The following NEBL variants were observed in gnomAD, a reference collection of about 807,000 sequenced individuals.
NEBL encodes the protein LIM and SH3 protein 2.
NEBL carries 122 observed loss-of-function variants against 140.2 expected under a neutral mutation model. The ratio of observed to expected loss-of-function variants is 0.87; its 90% CI spans 0.75 to 1.01. The LOEUF (loss-of-function observed/expected upper bound fraction) is 1.01. Ranked by LOEUF, NEBL falls within the 50% of genes least tolerant of loss-of-function variation. The pLI, the probability that NEBL is intolerant of heterozygous loss-of-function variation, is 0.00. For missense variants in NEBL, 1,365 were observed against 1,231.3 expected, an observed-to-expected ratio of 1.11 and a Z score of -1.62; for synonymous variants, 436 against 398.9, an observed-to-expected ratio of 1.09 and a Z score of -1.11.
At chr10:20,823,101 C>T (rs558430207) in intron 19 of NEBL, 107 bp downstream of exon 19, 8 of 808,048 alleles carry the variant, frequency 9.9e-6, no homozygotes, top group African/African-American at 3.4e-5. Flanking sequence ...CCGATCCTCT[C>T]GCAATGAGGT....
At chr10:21,246,134 C>T (rs1842514550) in intron 3 of NEBL, among the ~76,000 whole-genome samples, 3 of 152,218 alleles carry the variant, frequency 2.0e-5, no homozygotes. Flanking sequence ...TTTTGATAAA[C>T]TTGACCACAA....
intron 11 of NEBL, among the ~76,000 whole-genome samples, chr10:20,848,421 A>AT: frequency 6.6e-6 from 1 of 152,272 alleles, no homozygotes; most frequent in East Asian, 1.9e-4. Flanking sequence ...TCTTTATCAG[A>AT]TTCCTCTTCA....
intron 2 of NEBL, among the ~76,000 whole-genome samples, chr10:21,106,635 G>A (rs1375783355): frequency 2.6e-5 from 4 of 152,220 alleles, no homozygotes; most frequent in African/African-American, 9.6e-5. Context: ...CTCCCACTTT[G>A]TTCTTTTTGC....
intron 3 of NEBL, among the ~76,000 whole-genome samples, chr10:21,209,762 C>T (rs746451720): frequency 4.0e-5 from 6 of 150,340 alleles, no homozygotes; most frequent in Non-Finnish European, 5.9e-5. Flanking sequence ...GAGGCCTACA[C>T]GTCAAAGATG....
At chr10:21,084,821 A>G (rs1261432220) in intron 2 of NEBL, among the ~76,000 whole-genome samples, 1 of 152,164 alleles carries the variant, frequency 6.6e-6, no homozygotes, top group Non-Finnish European at 1.5e-5. Flanking sequence ...ACTAGCACAG[A>G]GAGAACCCGG....
chr10:20,809,187 C>G (rs1215646709), intron 25 of NEBL, among the ~76,000 whole-genome samples: 1 of 152,114 alleles, frequency 6.6e-6, no homozygotes, highest in Admixed American at 6.6e-5. Context: ...ACATAGCTAT[C>G]TATTGTTTAA....
chr10:21,242,621 A>T (rs577080951), intron 3 of NEBL, among the ~76,000 whole-genome samples: 1 of 152,344 alleles, frequency 6.6e-6, no homozygotes, highest in South Asian at 2.1e-4. Flanking sequence ...GTTTTTTTAA[A>T]AAAAAGAAAC....
chr10:21,265,914 T>G (rs1842791654), intron 1 of NEBL, among the ~76,000 whole-genome samples: 1 of 152,204 alleles, frequency 6.6e-6, no homozygotes, highest in African/African-American at 2.4e-5. Context: ...GCTGAGCCCT[T>G]GTGTAGAACA....
chr10:21,121,733 C>A (rs927573730), intron 2 of NEBL, among the ~76,000 whole-genome samples: 1 of 152,160 alleles, frequency 6.6e-6, no homozygotes, highest in East Asian at 1.9e-4. Context: ...GAAAGACAGC[C>A]CACAACACAT....
At chr10:20,810,925 G>C (rs1366066796) in intron 24 of NEBL, among the ~76,000 whole-genome samples, 1 of 152,154 alleles carries the variant, frequency 6.6e-6, no homozygotes, top group East Asian at 1.9e-4. Context: ...TGTAGATGAG[G>C]AAACTGAGGC....
rs373813159 is a variant in NEBL, at chr10:20,845,254, G to A, written c.1227+4C>T. Reference sequence around the variant, plus strand: ...ATATTTAATAATAAACACCAAGATCGTACCTCCCTCAGAAGGTTGGTGATG... The same window carrying A: ...ATATTTAATAATAAACACCAAGATCATACCTCCCTCAGAAGGTTGGTGATG... On this transcript the variant is annotated splice_donor_region_variant and intron_variant, in intron 12 of 27. Transcript: ENST00000377122. 44 of 1,519,700 alleles carry A rather than the reference G, an allele frequency of 2.9e-5. No individual in the cohort carries two copies. Among genetic ancestry groups the A allele is most frequent in the Middle Eastern group, 1.7e-4 (1 of 5,854 alleles). 94.1% of individuals were successfully genotyped at this position (1,519,700 alleles called of 1,614,324 possible). A position where few individuals can be genotyped will look rare whatever the true frequency, so the allele number is the denominator to read the frequency against.
chr10:20,985,971 T>G (rs1837242376), intron 3 of NEBL, among the ~76,000 whole-genome samples: 1 of 152,160 alleles, frequency 6.6e-6, no homozygotes, highest in Non-Finnish European at 1.5e-5. Flanking sequence ...AACATATCCC[T>G]TTAGGTTAAG....
Position 20,820,110 on chromosome 10 carries a change from G to C in NEBL, c.1963-594C>G, listed in dbSNP as rs567837461. The stretch of plus-strand genomic sequence containing the variant: ...ATTCTACATTCTTATCATTGGGAAG[G>C]AGAGTAACAAAATCCTGTACCTGAA... On this transcript the variant is annotated intron_variant, in intron 19 of 27. Transcript: ENST00000377122. Among the ~76,000 whole-genome samples the C allele has an allele frequency of 5.3e-5, 8 of 152,238 alleles. No individual in the cohort carries two copies. In the East Asian group the frequency reaches 1.5e-3, roughly 29 times the overall value.
At chr10:21,148,838 T>C (rs546006710) in intron 2 of NEBL, among the ~76,000 whole-genome samples, 2 of 152,180 alleles carry the variant, frequency 1.3e-5, no homozygotes, top group Non-Finnish European at 2.9e-5. Flanking sequence ...TGTCCTCCTT[T>C]TGTCTGCTCC....
chr10:21,053,898 T>C (rs1834895603), intron 2 of NEBL, among the ~76,000 whole-genome samples: 2 of 152,170 alleles, frequency 1.3e-5, no homozygotes, highest in South Asian at 4.1e-4. Context: ...CCAGGCATGG[T>C]GGTTCGCACC....
rs1189672843 is a variant in NEBL at position 21,108,185 on chromosome 10, A to G, written c.164+64198T>C. 2.0e-5 allele frequency among the ~76,000 whole-genome samples: 3 copies of G among 151,818 alleles called. No homozygotes were observed. The East Asian group carries it at 5.8e-4, about 29-fold the overall frequency. On this transcript the variant is annotated intron_variant, in intron 2 of 6. Coordinates refer to the NEBL transcript ENST00000417816. ...CTTCAGTTCTGCTCTGATCTTAGTT[A>G]TTTCTTGCCTTCTGCTAGCTTTTGA... is the stretch of plus-strand genomic sequence containing the variant.
Position 20,809,982 on chromosome 10 carries a change from A to G in NEBL, c.2519-84T>C, listed in dbSNP as rs970817965. On this transcript the variant is annotated intron_variant, in intron 24 of 27. Coordinates refer to ENST00000377122, the MANE Select transcript of NEBL (RefSeq NM_006393.3). Reference sequence around the variant, plus strand: ...AAAAAAAAAAGCCAGTACCCAAAAGAGTCAAGACAAAGTCTGCAAAGGAAT... The same window carrying G: ...AAAAAAAAAAGCCAGTACCCAAAAGGGTCAAGACAAAGTCTGCAAAGGAAT... 7.0e-6 allele frequency: 7 copies of G among 994,114 alleles called. No individual in the cohort carries two copies. In the Admixed American group the frequency reaches 1.5e-4, roughly 22 times the overall value. The allele number at this position is 994,114 out of a possible 1,614,324, so 61.6% of individuals were successfully genotyped here. A position where few individuals can be genotyped will look rare whatever the true frequency, so the allele number is the denominator to read the frequency against.
At chr10:21,239,614 TC>T (rs1842409881) in intron 3 of NEBL, among the ~76,000 whole-genome samples, 2 of 152,110 alleles carry the variant, frequency 1.3e-5, no homozygotes, top group Admixed American at 1.3e-4. Context: ...TGAATCCCTC[TC>T]CCAAGTGCCA....
At position 21,086,517 on chromosome 10, in the gene NEBL, C is replaced by A. The variant is rs562723743; in HGVS notation, c.165-66316G>T. On this transcript the variant is annotated intron_variant, in intron 2 of 6. Coordinates refer to the NEBL transcript ENST00000417816. Reference sequence around the variant, plus strand: ...GTCTAGTCGGGCATGGTGGCTCACACCTGTAATCCCAGCACTTTGGGAGGC... The same window carrying A: ...GTCTAGTCGGGCATGGTGGCTCACAACTGTAATCCCAGCACTTTGGGAGGC... Among the ~76,000 whole-genome samples the A allele has an allele frequency of 1.1e-4, 17 of 152,322 alleles. No individual in the cohort carries two copies. The South Asian group carries it at 2.1e-3, about 19-fold the overall frequency.
Sources: gnomAD v4.1 joint callset for allele counts (sites outside exome capture counted in the v4.1 genomes callset) on GRCh38, gnomAD v4.1.1 for gene constraint, MANE v1.5 for transcripts, NCBI Gene and HGNC (gene_info 2026-07-23, HGNC 2026-07-21) for gene names.